Variants in CCNY observed in about 807,000 individuals in gnomAD.
CCNY encodes the protein cyclin Y.
Under a neutral mutation model 42.8 loss-of-function variants are expected in CCNY, and 19 were observed. The ratio of observed to expected loss-of-function variants is 0.44; its 90% CI spans 0.31 to 0.65. CCNY has a LOEUF of 0.65. Ranked by LOEUF, CCNY falls within the 30% of genes least tolerant of loss-of-function variation. The pLI, the probability that CCNY is intolerant of heterozygous loss-of-function variation, is 0.07. For missense variants in CCNY, 370 were observed against 437.3 expected (o/e 0.85, Z 1.37); for synonymous variants, 165 against 162.7 (o/e 1.01, Z -0.11).
intron 3 of CCNY, among the ~76,000 whole-genome samples, chr10:35,267,959 T>C (rs1372593183): frequency 6.6e-6 from 1 of 152,124 alleles, no homozygotes; most frequent in African/African-American, 2.4e-5. Context: ...CAGAGTCTCA[T>C]GACCAGACTG....
chr10:35,479,248 A>T lies in CCNY; in HGVS notation c.155-4156A>T, dbSNP rs546885791. On this transcript the variant is annotated intron_variant, in intron 1 of 9. Coordinates refer to ENST00000374704, the MANE Select transcript of CCNY (RefSeq NM_145012.6). ...AAATACCATTTGACCCAGCCATCCCATTACTGGGTATATACCCAAAGGATT... is the reference window on the plus strand; with the variant it reads ...AAATACCATTTGACCCAGCCATCCCTTTACTGGGTATATACCCAAAGGATT... 6.7e-3 allele frequency among the ~76,000 whole-genome samples: 1,025 copies of T among 151,986 alleles called. 10 individuals carry two copies. The highest frequency in any genetic ancestry group is 0.024 in the African/African-American group (973 of 41,382).
intron 1 of CCNY, among the ~76,000 whole-genome samples, chr10:35,364,890 A>G (rs895592961): frequency 7.2e-5 from 11 of 152,344 alleles, no homozygotes; most frequent in African/African-American, 2.4e-4. Context: ...CCCTTCTCTA[A>G]GTGTGGAAAT....
chr10:35,355,811 T>TTC (rs999185289), intron 1 of CCNY, among the ~76,000 whole-genome samples: 34 of 151,750 alleles, frequency 2.2e-4, no homozygotes, highest in Admixed American at 8.5e-4. Flanking sequence ...TAAGTACTAT[T>TTC]TCTCTCTCTC....
intron 8 of CCNY, among the ~76,000 whole-genome samples, chr10:35,556,757 C>G (rs559167147): frequency 1.3e-5 from 2 of 152,216 alleles, no homozygotes; most frequent in South Asian, 2.1e-4. Flanking sequence ...TCTGGAGGTG[C>G]CAGCCAGTGA....
chr10:35,548,281 T>C (rs1042221161), intron 7 of CCNY, among the ~76,000 whole-genome samples: 3 of 147,380 alleles, frequency 2.0e-5, no homozygotes, highest in African/African-American at 7.5e-5. Flanking sequence ...AATATAAATA[T>C]ATATATTTAT....
intron 3 of CCNY, chr10:35,250,764 T>C (rs930585074): frequency 6.6e-6 from 1 of 152,330 alleles, no homozygotes; most frequent in Non-Finnish European, 1.5e-5. Context: ...TTATGTGTAT[T>C]CGTAAGGTTC....
chr10:35,250,058 G>A (rs983549291), intron 2 of CCNY, among the ~76,000 whole-genome samples: 3 of 152,146 alleles, frequency 2.0e-5, no homozygotes, highest in Non-Finnish European at 1.5e-5. Context: ...GCTGGGCATG[G>A]TGGCGGGTGC....
At chr10:35,279,640 A>G (rs533372681) in intron 3 of CCNY, among the ~76,000 whole-genome samples, 5 of 152,326 alleles carry the variant, frequency 3.3e-5, no homozygotes, top group East Asian at 1.9e-4. Context: ...AGAGACCCCA[A>G]AGAGATTTCA....
chr10:35,442,467 C>T (rs1838692402), intron 1 of CCNY, among the ~76,000 whole-genome samples: 1 of 152,208 alleles, frequency 6.6e-6, no homozygotes, highest in East Asian at 1.9e-4. Flanking sequence ...ATACAAATTG[C>T]CTGGATAGGA....
upstream of CCNY, among the ~76,000 whole-genome samples, chr10:35,332,920 T>A (rs1397985460): frequency 6.6e-6 from 1 of 152,138 alleles, no homozygotes; most frequent in African/African-American, 2.4e-5. Flanking sequence ...AGTTTTATAT[T>A]TACCTGGTTA....
chr10:35,400,617 A>C (rs1294227272), intron 1 of CCNY, among the ~76,000 whole-genome samples: 1 of 152,194 alleles, frequency 6.6e-6, no homozygotes, highest in Non-Finnish European at 1.5e-5. Context: ...CTGTTTCCAG[A>C]GTTATCTACT....
intron 3 of CCNY, among the ~76,000 whole-genome samples, chr10:35,259,057 TAA>T: frequency 6.6e-6 from 1 of 152,164 alleles, no homozygotes; most frequent in Non-Finnish European, 1.5e-5. Context: ...ATTTACCATC[TAA>T]GTCATTCTGC....
chr10:35,516,438 A>G, intron 3 of CCNY, 85 bp from the exon 4 acceptor site: 3 of 871,432 alleles, frequency 3.4e-6, no homozygotes, highest in Non-Finnish European at 5.8e-6. Flanking sequence ...CTGTGGTCTT[A>G]TCTCAAGTTA....
chr10:35,483,434 A>T lies in CCNY; in HGVS notation c.185A>T (p.His62Leu). The T allele has an allele frequency of 6.2e-7, 1 of 1,608,914 alleles. No homozygotes were observed. The highest frequency in any genetic ancestry group is 8.5e-7 in the Non-Finnish European group (1 of 1,176,460). ...DLNMEFNPSD[H>L]PRASTIFLSK... ...AACATGGAATTCAATCCTTCAGATC[A>T]TCCTCGGGCCAGCACAATATTCCTC... is the stretch of plus-strand genomic sequence containing the variant. Residue 62 changes from histidine (H) to leucine (L), a missense_variant, in exon 2 of 10, where the codon CAT becomes CTT. Around this residue, in one of 2 missense-constraint regions of CCNY, gnomAD observed 136 missense variants for 124.2 expected, o/e 1.09. Transcript: ENST00000374704.
At chr10:35,414,192 G>A (rs1019845167) in intron 1 of CCNY, among the ~76,000 whole-genome samples, 1 of 152,152 alleles carries the variant, frequency 6.6e-6, no homozygotes, top group African/African-American at 2.4e-5. Context: ...GCTTGGCTGG[G>A]TCCTGTGCTT....
intron 3 of CCNY, chr10:35,316,458 A>G (rs189432808): frequency 3.3e-5 from 5 of 152,320 alleles, no homozygotes; most frequent in Admixed American, 3.3e-4. Flanking sequence ...ACATGTTTAT[A>G]ATATTCTAAA....
intron 7 of CCNY, among the ~76,000 whole-genome samples, chr10:35,544,296 AT>A (rs1402372178): frequency 1.3e-5 from 2 of 152,110 alleles, no homozygotes; most frequent in African/African-American, 2.4e-5. Context: ...TCAATACCAT[AT>A]TTTTATGGTG....
intron 1 of CCNY, among the ~76,000 whole-genome samples, chr10:35,338,107 C>T (rs1229294667): frequency 6.6e-6 from 1 of 152,070 alleles, no homozygotes; most frequent in South Asian, 2.1e-4. Context: ...CTTTTTATGA[C>T]AAGGTGATTT....
rs12772902 is a variant in CCNY, at chr10:35,268,911, C to T, written c.-9+18285C>T. Among the ~76,000 whole-genome samples the T allele has an allele frequency of 9.0e-3, 1,368 of 152,358 alleles. 8 individuals are homozygous for T. Among genetic ancestry groups the T allele is most frequent in the Non-Finnish European group, 0.016 (1,076 of 68,038 alleles). ...GGGGCCCCTCCTTTGCCATTCTGCC[C>T]TCAAGGGCCTAGCACTGTGGGCCTG... On this transcript the variant is annotated intron_variant, in intron 3 of 11. Transcript: ENST00000374706.
Sources: gnomAD v4.1 joint callset for allele counts (sites outside exome capture counted in the v4.1 genomes callset) on GRCh38, gnomAD v4.1.1 for gene constraint, gnomAD v4.1.1 regional missense constraint, MANE v1.5 for transcripts, NCBI Gene and HGNC (gene_info 2026-07-23, HGNC 2026-07-21) for gene names.